STARD9: variants seen among roughly 807,000 people sequenced by gnomAD.
The protein encoded by STARD9 is stAR-related lipid transfer protein 9.
In STARD9, 346 loss-of-function variants were observed where a neutral mutation model predicts 399.8. That is an observed-to-expected ratio of 0.87 (90% CI 0.79 to 0.95). STARD9 has a LOEUF of 0.95. STARD9 is among the 40% of genes least tolerant of loss of function. The pLI is 0.00. For synonymous variants in STARD9, 2,203 were observed against 2,143.5 expected, an observed-to-expected ratio of 1.03 and a Z score of -0.77; for missense variants, 5,832 against 5,667.5, an observed-to-expected ratio of 1.03 and a Z score of -0.93.
In STARD9 at chr15:42,684,287, C is replaced by G. The variant is rs1327530177; in HGVS notation, c.2709C>G (p.Pro903=). ...TGCATTCCTCAGGTCATGGGCAGCC[C>G]TGCACAGCCAGAGCAGCCTTGGCCA... The part of the protein sequence containing the change: ...NGLHSSGHGQ[P]CTARAALARK... The change falls in exon 23 of 33, where the codon CCC becomes CCG. Residue 903 remains proline, a synonymous_variant. Transcript: ENST00000290607. 6.5e-7 allele frequency: 1 copy of G among 1,537,068 alleles called. No homozygotes were observed. Among genetic ancestry groups the G allele is most frequent in the Non-Finnish European group, 8.7e-7 (1 of 1,146,900 alleles).
Position 42,588,177 on chromosome 15 carries a change from T to G in STARD9, c.234+2540T>G, listed in dbSNP as rs559067105. On this transcript the variant is annotated intron_variant, in intron 3 of 32. Coordinates refer to ENST00000290607, the MANE Select transcript of STARD9 (RefSeq NM_020759.3). ...ATAACATTTGATAAATCAGTCATCT[T>G]AGAGGGGGTGTGTGAATGTGTTAAA... Among the ~76,000 whole-genome samples, 384 of 151,956 alleles carry G rather than the reference T, an allele frequency of 2.5e-3. 5 individuals are homozygous for G. The highest frequency in any genetic ancestry group is 8.6e-3 in the African/African-American group (357 of 41,436).
In STARD9 at chr15:42,690,100, C is replaced by G; in HGVS notation, c.8522C>G (p.Ser2841Cys). 1.3e-6 allele frequency: 2 copies of G among 1,537,756 alleles called. No homozygotes were observed. Among genetic ancestry groups the G allele is most frequent in the Non-Finnish European group, 1.7e-6 (2 of 1,147,034 alleles). ...GACCATGTCCAATGCCCTGAGGCTT[C>G]TACTGGCTTTGAAGAAGGTAGGGCA... Reference protein sequence around the residue: ...KQDHVQCPEASTGFEEGRASP... With the variant: ...KQDHVQCPEACTGFEEGRASP... The change falls in exon 23 of 33, where the codon TCT (serine) becomes TGT (cysteine). Residue 2841 changes from serine (S) to cysteine (C), a missense_variant. This residue lies in a region of STARD9 where 5,828 missense variants were observed against 5,651.1 expected (regional missense o/e 1.03). Transcript: ENST00000290607.
At chr15:42,597,996 A>ATGTGTGTGTGTGTG (rs1267453797) in intron 3 of STARD9, among the ~76,000 whole-genome samples, 2 of 43,910 alleles carry the variant, frequency 4.6e-5, no homozygotes, top group Non-Finnish European at 1.3e-4. Flanking sequence ...GTTTGTATAT[A>ATGTGTGTGTGTGTG]TATATGTGTG....
rs559336456 is a variant in STARD9 at position 42,679,456 on chromosome 15, T to A, written c.1875-1966T>A. Among the ~76,000 whole-genome samples, 7 of 152,358 alleles carry A rather than the reference T, an allele frequency of 4.6e-5. No homozygotes were observed. In the South Asian group the frequency reaches 1.4e-3, roughly 32 times the overall value. On this transcript the variant is annotated intron_variant, in intron 20 of 32. Coordinates refer to ENST00000290607, the MANE Select transcript of STARD9 (RefSeq NM_020759.3). ...CTCACTCAAGTGTCTGGACCTGTCC[T>A]AGTCCTTGGACCTGTTGCAGATTGA...
chr15:42,659,092 G>A (rs1480297257), intron 9 of STARD9, among the ~76,000 whole-genome samples: 1 of 152,082 alleles, frequency 6.6e-6, no homozygotes, highest in East Asian at 1.9e-4. Context: ...CAGCCTAGGT[G>A]ACACAGCAAG....
Position 42,652,574 on chromosome 15 carries a change from C to T in STARD9, c.684C>T (p.Phe228=). 2.0e-6 allele frequency: 3 copies of T among 1,537,536 alleles called. No homozygotes were observed. Among genetic ancestry groups the T allele is most frequent in the Non-Finnish European group, 8.7e-7 (1 of 1,146,958 alleles). ...HEASSRSHAI[F]TIHYTQAILE... is the part of the protein sequence containing the mutation. ...CCAGCAGCAGATCCCACGCCATTTT[C>T]ACGATCCACTACACGCAGGTTGGTA... Residue 228 remains phenylalanine, a synonymous_variant, in exon 9 of 33, where the codon TTC becomes TTT. Transcript: ENST00000290607.
rs771977521 is a variant in STARD9, at chr15:42,692,461, G to C, written c.10883G>C (p.Cys3628Ser). 1 of 1,537,100 alleles carries C rather than the reference G, an allele frequency of 6.5e-7. No individual in the cohort carries two copies. Among genetic ancestry groups the C allele is most frequent in the South Asian group, 1.2e-5 (1 of 84,060 alleles). The change falls in exon 23 of 33, where the codon TGC (cysteine) becomes TCC (serine). Residue 3628 changes from cysteine (C) to serine (S), a missense_variant. This residue lies in a region of STARD9 where 5,828 missense variants were observed against 5,651.1 expected (regional missense o/e 1.03). Coordinates refer to ENST00000290607, the MANE Select transcript of STARD9 (RefSeq NM_020759.3). ...CTGCTGTATCCATCAGAGGCAGGCTGCCCTGTGGGACAGACCAGGACGAAC... is the reference window on the plus strand; with the variant it reads ...CTGCTGTATCCATCAGAGGCAGGCTCCCCTGTGGGACAGACCAGGACGAAC... ...IMLLYPSEAGCPVGQTRTNTF... is the reference protein window; with the variant it reads ...IMLLYPSEAGSPVGQTRTNTF...
At position 42,593,970 on chromosome 15, in the gene STARD9, T is replaced by C. The variant is rs113625023; in HGVS notation, c.234+8333T>C. 8.0e-4 allele frequency among the ~76,000 whole-genome samples: 122 copies of C among 152,300 alleles called. 1 individual carries two copies. The highest frequency in any genetic ancestry group is 3.4e-3 in the Middle Eastern group (1 of 294). On this transcript the variant is annotated intron_variant, in intron 3 of 32. Coordinates refer to ENST00000290607, the MANE Select transcript of STARD9 (RefSeq NM_020759.3). ...GGCGTGAGCCACCGCGTGGTTGTGC[T>C]TCTTGTTGTTTTAATATTTATTTGG...
At chr15:42,662,993 G>T (rs1410200094) in intron 11 of STARD9, 102 bp downstream of exon 11, 13 of 923,464 alleles carry the variant, frequency 1.4e-5, no homozygotes, top group Non-Finnish European at 2.0e-5. Context: ...TTTTGATAAG[G>T]TTACCTTCTG....
At chr15:42,718,348 G>T in intron 30 of STARD9, 87 bp from the exon 31 acceptor site, 1 of 1,287,128 alleles carries the variant, frequency 7.8e-7, no homozygotes, top group Non-Finnish European at 1.1e-6. Flanking sequence ...GTGATGGGGT[G>T]TTGGGGGGAG....
At chr15:42,585,120 A>G (rs2058249110) in intron 2 of STARD9, among the ~76,000 whole-genome samples, 1 of 152,234 alleles carries the variant, frequency 6.6e-6, no homozygotes, top group South Asian at 2.1e-4. Context: ...CCAAGATATT[A>G]TGTATATGCA....
In STARD9 at chr15:42,647,120, G is replaced by A. The variant is rs547714582; in HGVS notation, c.560-3896G>A. On this transcript the variant is annotated intron_variant, in intron 7 of 32. Transcript: ENST00000290607. ...TAACAGATATAATAATAATGAAAAAGCTTCAAATATGTATAGCACAGTTTG... is the reference window on the plus strand; with the variant it reads ...TAACAGATATAATAATAATGAAAAAACTTCAAATATGTATAGCACAGTTTG... 1.6e-3 allele frequency among the ~76,000 whole-genome samples: 238 copies of A among 152,226 alleles called. 1 individual carries two copies. Among genetic ancestry groups the A allele is most frequent in the African/African-American group, 5.6e-3 (232 of 41,518 alleles).
intron 3 of STARD9, among the ~76,000 whole-genome samples, chr15:42,613,794 A>G (rs2058902244): frequency 6.6e-6 from 1 of 151,564 alleles, no homozygotes; most frequent in South Asian, 2.1e-4. Context: ...ACAAAACCCC[A>G]TCTCTACTAA....
Position 42,689,021 on chromosome 15 carries a change from G to T in STARD9, c.7443G>T (p.Lys2481Asn). 4 of 1,537,334 alleles carry T rather than the reference G, an allele frequency of 2.6e-6. No individual in the cohort carries two copies. The highest frequency in any genetic ancestry group is 1.7e-4 in the Middle Eastern group (1 of 5,990). ...AAATAAGAGTCAGTTCACTGAACAAGGTCTCTAGCCAGCCTGAAAAGAGGG... is the reference window on the plus strand; with the variant it reads ...AAATAAGAGTCAGTTCACTGAACAATGTCTCTAGCCAGCCTGAAAAGAGGG... ...QKEIRVSSLN[K>N]VSSQPEKRVS... The change falls in exon 23 of 33, where the codon AAG becomes AAT. Residue 2481 changes from lysine to asparagine, a missense_variant. Around this residue, in one of 2 missense-constraint regions of STARD9, gnomAD observed 5,828 missense variants for 5,651.1 expected, o/e 1.03. Transcript: ENST00000290607.
chr15:42,586,859 G>T lies in STARD9; in HGVS notation c.234+1222G>T, dbSNP rs372097263. 2.7e-3 allele frequency among the ~76,000 whole-genome samples: 404 copies of T among 147,442 alleles called. 1 individual carries two copies. Among genetic ancestry groups the T allele is most frequent in the African/African-American group, 9.5e-3 (380 of 40,016 alleles). On this transcript the variant is annotated intron_variant, in intron 3 of 32. Transcript: ENST00000290607. ...ATAAAACTTTTTTTTTTTTTTTGGT[G>T]GGGGGCCGGGGGGCGGAGATGATCT...
intron 10 of STARD9, 121 bp downstream of exon 10, chr15:42,661,346 T>A (rs932048900): frequency 4.1e-6 from 3 of 723,138 alleles, no homozygotes; most frequent in African/African-American, 3.6e-5. Context: ...AGAAATAAGC[T>A]CTTTGAATGC....
At chr15:42,611,047 T>C (rs990165647) in intron 3 of STARD9, among the ~76,000 whole-genome samples, 1 of 152,152 alleles carries the variant, frequency 6.6e-6, no homozygotes, top group Non-Finnish European at 1.5e-5. Context: ...CTTGCTTTTT[T>C]CCCCCTTTTT....
chr15:42,662,746 T>C (rs555887680), intron 10 of STARD9, 48 bp from the exon 11 acceptor site: 182 of 1,210,638 alleles, frequency 1.5e-4, no homozygotes, highest in Admixed American at 2.2e-4. Flanking sequence ...ATTGTAAAGA[T>C]AGTGTCTTAT....
intron 3 of STARD9, among the ~76,000 whole-genome samples, chr15:42,623,608 C>T (rs1350427156): frequency 2.0e-5 from 3 of 152,146 alleles, no homozygotes; most frequent in African/African-American, 7.2e-5. Flanking sequence ...AATAATGACT[C>T]TTCTTTCTTT....
Sources: gnomAD v4.1 joint callset for allele counts (sites outside exome capture counted in the v4.1 genomes callset) on GRCh38, gnomAD v4.1.1 for gene constraint, gnomAD v4.1.1 regional missense constraint, MANE v1.5 for transcripts, NCBI Gene and HGNC (gene_info 2026-07-23, HGNC 2026-07-21) for gene names.